TTLL5: variants seen among roughly 807,000 people sequenced by gnomAD.
TTLL5 encodes tubulin polyglutamylase TTLL5.
Under a neutral mutation model 168.4 loss-of-function variants are expected in TTLL5, and 132 were observed. The observed-to-expected ratio is 0.78, with a 90% CI of 0.68 to 0.91. The LOEUF is 0.91. TTLL5 is among the 40% of genes least tolerant of loss of function. The pLI, the probability that TTLL5 is intolerant of heterozygous loss-of-function variation, is 0.00. For synonymous variants in TTLL5, 546 were observed against 558.6 expected (o/e 0.98, Z 0.32); for missense variants, 1,545 against 1,581.5 (o/e 0.98, Z 0.39).
intron 1 of TTLL5, chr14:75,661,603 G>C (rs995195009): frequency 8.5e-5 from 13 of 152,370 alleles, no homozygotes; most frequent in Non-Finnish European, 1.2e-4. Flanking sequence ...GTGGGGCTGA[G>C]AAGCAGATTC....
chr14:75,692,511 G>C (rs904552695), intron 6 of TTLL5, among the ~76,000 whole-genome samples: 1 of 152,058 alleles, frequency 6.6e-6, no homozygotes, highest in Non-Finnish European at 1.5e-5. Flanking sequence ...AATTTTTTTG[G>C]AAGGAAAGGG....
chr14:75,743,064 C>G (rs1020840457), intron 15 of TTLL5, among the ~76,000 whole-genome samples: 1 of 152,170 alleles, frequency 6.6e-6, no homozygotes, highest in Non-Finnish European at 1.5e-5. Context: ...TTTGTTTGTT[C>G]AACCAATATT....
chr14:75,902,365 A>AT (rs35482688), intron 31 of TTLL5, 141 bp downstream of exon 31: 2 of 862,584 alleles, frequency 2.3e-6, no homozygotes, highest in South Asian at 1.6e-5. Flanking sequence ...GCAAATGGGC[A>AT]TTTTTGTTGC....
intron 11 of TTLL5, among the ~76,000 whole-genome samples, chr14:75,720,201 TG>T (rs1376466638): frequency 1.3e-5 from 2 of 152,200 alleles, no homozygotes; most frequent in African/African-American, 4.8e-5. Context: ...AGTTGGAGAA[TG>T]GGCACTGTTT....
chr14:75,947,403 G>A (rs2034808572), intron 31 of TTLL5, among the ~76,000 whole-genome samples: 1 of 152,134 alleles, frequency 6.6e-6, no homozygotes, highest in East Asian at 1.9e-4. Flanking sequence ...GAAATAAAGA[G>A]GGTCACTACA....
At chr14:75,891,387 A>G (rs1349275081) in intron 30 of TTLL5, among the ~76,000 whole-genome samples, 2 of 151,996 alleles carry the variant, frequency 1.3e-5, no homozygotes, top group Admixed American at 1.3e-4. Flanking sequence ...TGCTTTCTAT[A>G]GCTCTCTCAA....
intron 27 of TTLL5, among the ~76,000 whole-genome samples, chr14:75,794,210 C>T (rs1314912451): frequency 1.3e-5 from 2 of 151,932 alleles, no homozygotes; most frequent in Non-Finnish European, 2.9e-5. Flanking sequence ...ATTATAAGAA[C>T]AATGTTGATT....
At chr14:75,930,417 C>T (rs953489211) in intron 31 of TTLL5, among the ~76,000 whole-genome samples, 1 of 152,110 alleles carries the variant, frequency 6.6e-6, no homozygotes, top group Non-Finnish European at 1.5e-5. Context: ...AAAGGAAATG[C>T]ACATTGGAGC....
intron 9 of TTLL5, among the ~76,000 whole-genome samples, chr14:75,713,301 T>C (rs1387579487): frequency 6.6e-6 from 1 of 152,248 alleles, no homozygotes; most frequent in Non-Finnish European, 1.5e-5. Flanking sequence ...TACTTACCAT[T>C]GTGTTCCAGT....
At chr14:75,735,113 G>C (rs1888799215) in intron 14 of TTLL5, 82 bp from the exon 15 acceptor site, 1 of 1,264,290 alleles carries the variant, frequency 7.9e-7, no homozygotes, top group African/African-American at 1.5e-5. Context: ...AACTGAGTTT[G>C]TGTATCTAAA....
chr14:75,914,033 A>AAAAAAAAAAAAAAAATATATATATAT, intron 31 of TTLL5, among the ~76,000 whole-genome samples: 4 of 71,094 alleles, frequency 5.6e-5, no homozygotes, highest in Non-Finnish European at 8.3e-5. Context: ...AAAAAAAAAA[A>AAAAAAAAAAAAAAAATATATATATAT]ATATATATAT....
rs1196704033 is a variant in TTLL5, at chr14:75,929,196, A to AT, written c.3824-25227dup. ...CTAATTAGCATAGCAGCAGCGTAGT[A>AT]TAATGAAAAGAGCTCTCAATTTAAA... is the stretch of plus-strand genomic sequence containing the variant. On this transcript the variant is annotated intron_variant, in intron 31 of 31. Transcript: ENST00000298832. Among the ~76,000 whole-genome samples the AT allele has an allele frequency of 2.0e-5, 3 of 152,228 alleles. 1 individual carries two copies. Among genetic ancestry groups the AT allele is most frequent in the Non-Finnish European group, 4.4e-5 (3 of 68,038 alleles).
intron 28 of TTLL5, among the ~76,000 whole-genome samples, chr14:75,859,562 G>T (rs574476735): frequency 1.3e-5 from 2 of 152,238 alleles, no homozygotes; most frequent in South Asian, 2.1e-4. Flanking sequence ...TCAATTAGAA[G>T]ATATTTACGG....
intron 31 of TTLL5, among the ~76,000 whole-genome samples, chr14:75,911,791 T>C (rs1449796354): frequency 1.3e-5 from 2 of 152,214 alleles, no homozygotes; most frequent in African/African-American, 2.4e-5. Flanking sequence ...CTCAGAAAAA[T>C]GACCGCTCAC....
chr14:75,765,301 AT>A (rs1890900000), intron 19 of TTLL5, among the ~76,000 whole-genome samples: 1 of 152,144 alleles, frequency 6.6e-6, no homozygotes, highest in South Asian at 2.1e-4. Context: ...TTGCTGGTAA[AT>A]AAAAAAGATA....
intron 31 of TTLL5, among the ~76,000 whole-genome samples, chr14:75,922,814 C>T (rs1161567749): frequency 1.3e-5 from 2 of 152,196 alleles, no homozygotes; most frequent in Non-Finnish European, 2.9e-5. Flanking sequence ...GCACCATCTC[C>T]CCTTTGTACC....
At chr14:75,668,580 T>C (rs566716559) in intron 2 of TTLL5, among the ~76,000 whole-genome samples, 1 of 152,352 alleles carries the variant, frequency 6.6e-6, no homozygotes, top group East Asian at 1.9e-4. Context: ...TTCCTGAGGA[T>C]AGGGAAAGAG....
chr14:75,716,327 T>C (rs114359397), intron 9 of TTLL5, among the ~76,000 whole-genome samples: 277 of 152,364 alleles, frequency 1.8e-3, no homozygotes, highest in African/African-American at 6.1e-3. Context: ...CATCATTTTC[T>C]CTTTGTCCAC....
At chr14:75,848,441 C>T (rs1245898689) in intron 28 of TTLL5, among the ~76,000 whole-genome samples, 1 of 152,048 alleles carries the variant, frequency 6.6e-6, no homozygotes, top group African/African-American at 2.4e-5. Flanking sequence ...TCCAGTTTTA[C>T]AATAAGGGCC....
Sources: gnomAD v4.1 joint callset for allele counts (sites outside exome capture counted in the v4.1 genomes callset) on GRCh38, gnomAD v4.1.1 for gene constraint, MANE v1.5 for transcripts, NCBI Gene and HGNC (gene_info 2026-07-23, HGNC 2026-07-21) for gene names.